Variants in RBP4 observed in about 807,000 individuals in gnomAD.
RBP4 encodes the protein retinol binding protein 4, also known as retinol-binding protein 4.
RBP4 carries 9 observed loss-of-function variants against 26.2 expected under a neutral mutation model. The ratio of observed to expected loss-of-function variants is 0.34; its 90% CI spans 0.21 to 0.60. The LOEUF is 0.60. Ranked by LOEUF, RBP4 falls within the 20% of genes least tolerant of loss-of-function variation. The pLI, the probability that RBP4 is intolerant of heterozygous loss-of-function variation, is 0.80. For missense variants in RBP4, 244 were observed against 271.3 expected (o/e 0.90, Z 0.71); for synonymous variants, 114 against 111.0 (o/e 1.03, Z -0.17).
Position 93,600,377 on chromosome 10 carries a change from A to C in RBP4, c.355+16T>G. The C allele has an allele frequency of 6.2e-7, 1 of 1,608,794 alleles. No homozygotes were observed. The highest frequency in any genetic ancestry group is 8.5e-7 in the Non-Finnish European group (1 of 1,175,132). ...CGCCCCATTCCCAAGACAGTCCCAC[A>C]GAGCTGACTACTCACTTCCTTTCTG... On this transcript the variant is annotated intron_variant, in intron 4 of 5. Coordinates refer to ENST00000371464, the MANE Select transcript of RBP4 (RefSeq NM_006744.4).
At position 93,601,211 on chromosome 10, in the gene RBP4, C is replaced by T; in HGVS notation, c.-59G>A. On this transcript the variant is annotated 5_prime_UTR_variant, in exon 1 of 6. Coordinates refer to ENST00000371464, the MANE Select transcript of RBP4 (RefSeq NM_006744.4). The stretch of plus-strand genomic sequence containing the variant: ...CGCGCGCAAGCCTGGCCGCCGAGTC[C>T]GGGCGCGCGTGGAGCGAGGGAGGCG... 1 of 1,318,646 alleles carries T rather than the reference C, an allele frequency of 7.6e-7. No homozygotes were observed. The allele number at this position is 1,318,646 out of a possible 1,614,324, so 81.7% of individuals were successfully genotyped here. A position where few individuals can be genotyped will look rare whatever the true frequency, so the allele number is the denominator to read the frequency against.
chr10:93,594,156 G>A, intron 4 of RBP4, 121 bp from the exon 5 acceptor site: 1 of 962,422 alleles, frequency 1.0e-6, no homozygotes, highest in Non-Finnish European at 1.6e-6. Context: ...TATTTCTTTA[G>A]GAAGCAGGAC....
chr10:93,592,493 C>T (rs911045226), intron 5 of RBP4, among the ~76,000 whole-genome samples: 11 of 152,152 alleles, frequency 7.2e-5, no homozygotes, highest in Non-Finnish European at 1.5e-4. Context: ...TTATAAAGTG[C>T]TTCTATGTCT....
chr10:93,601,606 C>T (rs1053700481), upstream of RBP4: 5 of 746,208 alleles, frequency 6.7e-6, no homozygotes, highest in Non-Finnish European at 1.2e-5. Flanking sequence ...AGAGCGAGAG[C>T]GGACCCGCGA....
chr10:93,595,028 C>A (rs1428606713), intron 4 of RBP4, among the ~76,000 whole-genome samples: 2 of 152,046 alleles, frequency 1.3e-5, no homozygotes, highest in Non-Finnish European at 2.9e-5. Flanking sequence ...GTGGTCTCCA[C>A]TACTTGCGGC....
chr10:93,597,938 A>T (rs2058312660), intron 4 of RBP4, among the ~76,000 whole-genome samples: 1 of 152,114 alleles, frequency 6.6e-6, no homozygotes, highest in African/African-American at 2.4e-5. Context: ...TGTTAAGATG[A>T]CCCCAAAACA....
intron 5 of RBP4, among the ~76,000 whole-genome samples, chr10:93,592,685 A>C (rs900718226): frequency 6.6e-6 from 1 of 152,196 alleles, no homozygotes; most frequent in Admixed American, 6.5e-5. Flanking sequence ...CTGTGGTGGA[A>C]TCCTTGCTGG....
At chr10:93,601,078 C>G in intron 1 of RBP4, 32 bp from the exon 2 acceptor site, 1 of 1,593,398 alleles carries the variant, frequency 6.3e-7, no homozygotes, top group Non-Finnish European at 8.5e-7. Flanking sequence ...CAGTGCCCGG[C>G]AGCCGACCCC....
chr10:93,600,180 GC>G (rs1157568685), intron 4 of RBP4, among the ~76,000 whole-genome samples: 1 of 152,180 alleles, frequency 6.6e-6, no homozygotes, highest in Non-Finnish European at 1.5e-5. Flanking sequence ...TTGAGCTTAG[GC>G]CAGGTTTCTT....
intron 4 of RBP4, among the ~76,000 whole-genome samples, chr10:93,597,275 G>C (rs1318024217): frequency 1.3e-5 from 2 of 152,092 alleles, no homozygotes. Flanking sequence ...TCTGACAAGG[G>C]CCCCTTTACT....
intron 5 of RBP4, among the ~76,000 whole-genome samples, chr10:93,592,324 C>T (rs1243665119): frequency 2.6e-5 from 4 of 152,186 alleles, no homozygotes; most frequent in East Asian, 3.9e-4. Context: ...TTTCTCTGGA[C>T]GTAATGGGGG....
Position 93,600,213 on chromosome 10 carries a change from GT to G in RBP4, c.355+179del, listed in dbSNP as rs528051459. Among the ~76,000 whole-genome samples the G allele has an allele frequency of 5.3e-5, 8 of 152,304 alleles. 1 individual carries two copies. The South Asian group carries it at 1.7e-3, about 32-fold the overall frequency. ...TCTTGAGCTGAGGTTTGGGGAGGGGGTAGGTAGCTGCTCCCAATCTTGTTCC... is the reference window on the plus strand; with the variant it reads ...TCTTGAGCTGAGGTTTGGGGAGGGGGAGGTAGCTGCTCCCAATCTTGTTCC... On this transcript the variant is annotated intron_variant, in intron 4 of 5. Transcript: ENST00000371464.
chr10:93,599,498 G>A (rs10882279), intron 4 of RBP4, among the ~76,000 whole-genome samples: 12,338 of 152,204 alleles, frequency 0.081, 616 homozygotes, highest in Middle Eastern at 0.11. Flanking sequence ...AGGAGTCCCT[G>A]CAGTTCAGGG....
rs2058328984 is a variant in RBP4, at chr10:93,600,417, C to T, written c.331G>A (p.Val111Ile). 1 of 1,614,080 alleles carries T rather than the reference C, an allele frequency of 6.2e-7. No homozygotes were observed. Among genetic ancestry groups the T allele is most frequent in the African/African-American group, 1.3e-5 (1 of 75,056 alleles). ...PAKFKMKYWGVASFLQKGNDD... is the reference protein window; with the variant it reads ...PAKFKMKYWGIASFLQKGNDD... ...CTTCCTTTCTGGAGAAAGGAGGCTACGCCCCAGTACTTCATCTTGAACTTG... is the reference window on the plus strand; with the variant it reads ...CTTCCTTTCTGGAGAAAGGAGGCTATGCCCCAGTACTTCATCTTGAACTTG... Residue 111 changes from valine (V) to isoleucine (I), a missense_variant, in exon 4 of 6, where the codon GTA becomes ATA. Physicochemically the swap from Val to Ile is conservative, Grantham distance 29. Coordinates refer to ENST00000371464, the MANE Select transcript of RBP4 (RefSeq NM_006744.4).
At position 93,591,924 on chromosome 10, in the gene RBP4, G is replaced by C. The variant is rs2058268757; in HGVS notation, c.*151C>G. Reference sequence around the variant, plus strand: ...TTCAGGAAAGGCAAGCAGATTCACTGACCCCCACGTGTATCTTTATGTGTA... The same window carrying C: ...TTCAGGAAAGGCAAGCAGATTCACTCACCCCCACGTGTATCTTTATGTGTA... On this transcript the variant is annotated 3_prime_UTR_variant, in exon 6 of 6. Coordinates refer to ENST00000371464, the MANE Select transcript of RBP4 (RefSeq NM_006744.4). 1 of 691,274 alleles carries C rather than the reference G, an allele frequency of 1.4e-6. No individual in the cohort carries two copies. The highest frequency in any genetic ancestry group is 1.7e-5 in the South Asian group (1 of 57,414). 42.8% of individuals were successfully genotyped at this position (691,274 alleles called of 1,614,324 possible).
intron 4 of RBP4, among the ~76,000 whole-genome samples, chr10:93,595,045 G>T (rs535640190): frequency 6.6e-6 from 1 of 152,170 alleles, no homozygotes. Flanking sequence ...CGGCTGAGGC[G>T]GCAGGATCGT....
chr10:93,595,999 C>T (rs1349289360), intron 4 of RBP4, among the ~76,000 whole-genome samples: 1 of 152,116 alleles, frequency 6.6e-6, no homozygotes, highest in Non-Finnish European at 1.5e-5. Flanking sequence ...CCTGCTGGGC[C>T]TCACCCTAAC....
intron 4 of RBP4, among the ~76,000 whole-genome samples, chr10:93,594,953 AACAT>A (rs1399470879): frequency 6.6e-6 from 1 of 152,118 alleles, no homozygotes; most frequent in Non-Finnish European, 1.5e-5. Context: ...CAACCTGGGC[AACAT>A]AGTGAGACCT....
chr10:93,591,864 T>C lies in RBP4; in HGVS notation c.*211A>G. The C allele has an allele frequency of 1.7e-6, 1 of 587,402 alleles. No individual in the cohort carries two copies. Among genetic ancestry groups the C allele is most frequent in the South Asian group, 2.0e-5 (1 of 49,232 alleles). 36.4% of individuals were successfully genotyped at this position (587,402 alleles called of 1,614,324 possible). ...CAGGACACGGGTGACTATAGTTTAATGAATCAGAGTCTGGAATCTTAAGCC... is the reference window on the plus strand; with the variant it reads ...CAGGACACGGGTGACTATAGTTTAACGAATCAGAGTCTGGAATCTTAAGCC... On this transcript the variant is annotated 3_prime_UTR_variant, in exon 6 of 6. Coordinates refer to ENST00000371464, the MANE Select transcript of RBP4 (RefSeq NM_006744.4).
Sources: allele counts gnomAD v4.1 joint callset (sites outside exome capture counted in the v4.1 genomes callset), GRCh38; gene constraint gnomAD v4.1.1; transcripts MANE v1.5; gene names NCBI Gene and HGNC (gene_info 2026-07-23, HGNC 2026-07-21).